The following RASA3 variants were observed in gnomAD, a reference collection of about 807,000 sequenced individuals.
The protein encoded by RASA3 is RAS p21 protein activator 3.
RASA3 carries 73 observed loss-of-function variants against 110.0 expected under a neutral mutation model. The ratio of observed to expected loss-of-function variants is 0.66; its 90% CI spans 0.55 to 0.81. RASA3 has a LOEUF of 0.81. RASA3 is among the 30% of genes least tolerant of loss of function. The pLI, the probability that RASA3 is intolerant of heterozygous loss-of-function variation, is 0.00. For missense variants in RASA3, 976 were observed against 1,113.2 expected, an observed-to-expected ratio of 0.88 and a Z score of 1.75; for synonymous variants, 500 against 451.4, an observed-to-expected ratio of 1.11 and a Z score of -1.37.
At chr13:114,026,379 G>A (rs780179226) in intron 7 of RASA3, among the ~76,000 whole-genome samples, 5 of 152,200 alleles carry the variant, frequency 3.3e-5, no homozygotes, top group Admixed American at 6.5e-5. Flanking sequence ...CCTCGCTCTG[G>A]CAAAACCATC....
Position 114,017,326 on chromosome 13 carries a change from T to C in RASA3, c.1117A>G (p.Asn373Asp), listed in dbSNP as rs747255376. Residue 373 changes from asparagine to aspartate, a missense_variant, in exon 12 of 24, where the codon AAC (asparagine) becomes GAC (aspartate). Around this residue, in one of 4 missense-constraint regions of RASA3, gnomAD observed 732 missense variants for 779.7 expected, o/e 0.94. Coordinates refer to ENST00000334062, the MANE Select transcript of RASA3 (RefSeq NM_007368.4). ...TQDPNTIFRG[N>D]SLASKCIDET... is the part of the protein sequence containing the mutation. ...TCGATGCACTTGGACGCCAGTGAGT[T>C]TCCTCGGAAGATGGTGTTGGGGTCC... is the stretch of plus-strand genomic sequence containing the variant. 1.9e-6 allele frequency: 3 copies of C among 1,613,978 alleles called. No individual in the cohort carries two copies. The highest frequency in any genetic ancestry group is 2.5e-6 in the Non-Finnish European group (3 of 1,180,012).
intron 17 of RASA3, 41 bp from the exon 18 acceptor site, chr13:114,007,647 C>A (rs777175449): frequency 3.3e-6 from 5 of 1,511,794 alleles, no homozygotes; most frequent in Non-Finnish European, 4.6e-6. Context: ...GGAAGCCACA[C>A]ATCTGACGTG....
chr13:113,999,757 CCCAGGGGGTCTTTACCGGGGGGTCTCTG>C, intron 19 of RASA3, 90 bp from the exon 20 acceptor site: 8 of 818,064 alleles, frequency 9.8e-6, no homozygotes, highest in African/African-American at 4.7e-5. Flanking sequence ...CGGGGGGTCT[CCCAGGGGGTCTTTACCGGGGGGTCTCTG>C]CCAGGGGGTC....
At chr13:114,128,448 G>C (rs2080477939) in intron 1 of RASA3, among the ~76,000 whole-genome samples, 1 of 152,254 alleles carries the variant, frequency 6.6e-6, no homozygotes, top group Non-Finnish European at 1.5e-5. Flanking sequence ...GCTGGGCCCG[G>C]AGCCCTTACC....
intron 2 of RASA3, among the ~76,000 whole-genome samples, chr13:114,058,235 T>C (rs756535631): frequency 5.3e-5 from 8 of 151,588 alleles, no homozygotes; most frequent in Non-Finnish European, 1.2e-4. Flanking sequence ...ATGAGCCCCA[T>C]GGAGACCACC....
intron 22 of RASA3, among the ~76,000 whole-genome samples, chr13:113,990,801 G>A (rs1353857446): frequency 5.9e-5 from 9 of 152,208 alleles, no homozygotes. Flanking sequence ...TTGTTGCCTT[G>A]CCTGTCTGCA....
In RASA3 at chr13:114,071,959, C is replaced by T. The variant is rs58542592; in HGVS notation, c.173+1761G>A. Among the ~76,000 whole-genome samples, 801 of 152,320 alleles carry T rather than the reference C, an allele frequency of 5.3e-3. 6 individuals carry two copies. The highest frequency in any genetic ancestry group is 0.018 in the African/African-American group (747 of 41,560). On this transcript the variant is annotated intron_variant, in intron 2 of 23. Coordinates refer to ENST00000334062, the MANE Select transcript of RASA3 (RefSeq NM_007368.4). ...AAATAGCTGTTTTGATCAAAGCACA[C>T]GACCCATGCTTCTGAACTGAACGGT...
At position 114,013,124 on chromosome 13, in the gene RASA3, CCTCAGCCGGTCA is replaced by C. The variant is rs1394994591; in HGVS notation, c.1512+6_1512+17del. On this transcript the variant is annotated splice_donor_region_variant and intron_variant, in intron 15 of 23. Transcript: ENST00000334062. ...CAGGACAGCTCAGAAAGCCTCGGTC[CCTCAGCCGGTCA>C]CTCACCGTGTGGTGCGGCGTGAGCT... 2 of 1,604,760 alleles carry C rather than the reference CCTCAGCCGGTCA, an allele frequency of 1.2e-6. No homozygotes were observed. Among genetic ancestry groups the C allele is most frequent in the Non-Finnish European group, 1.7e-6 (2 of 1,175,734 alleles).
At chr13:114,059,849 G>A (rs540457567) in intron 2 of RASA3, among the ~76,000 whole-genome samples, 9 of 152,232 alleles carry the variant, frequency 5.9e-5, no homozygotes, top group South Asian at 4.1e-4. Flanking sequence ...GCCCATCCCC[G>A]TTCTAGACTG....
At chr13:114,061,875 C>T (rs2079357779) in intron 2 of RASA3, among the ~76,000 whole-genome samples, 1 of 152,096 alleles carries the variant, frequency 6.6e-6, no homozygotes, top group Non-Finnish European at 1.5e-5. Context: ...GGTGGTAACT[C>T]CATCTCAGAC....
chr13:114,088,761 G>T (rs2079852715), intron 1 of RASA3, among the ~76,000 whole-genome samples: 1 of 152,120 alleles, frequency 6.6e-6, no homozygotes, highest in Non-Finnish European at 1.5e-5. Flanking sequence ...TGTTGGTCAG[G>T]CTGGTCTTGA....
Position 114,114,678 on chromosome 13 carries a change from C to T in RASA3, c.55+17757G>A, listed in dbSNP as rs768529445. ...AAGCAACTTGTTTTTCTTCATCCTT[C>T]GCCGACCTTTGTTTATGGGTAACCC... On this transcript the variant is annotated intron_variant, in intron 1 of 23. Coordinates refer to ENST00000334062, the MANE Select transcript of RASA3 (RefSeq NM_007368.4). This position sits in a 1 kb window ranked among gnomAD's most constrained non-coding sequence, Gnocchi z 4.8. Among the ~76,000 whole-genome samples the T allele has an allele frequency of 1.4e-4, 21 of 152,210 alleles. No individual in the cohort carries two copies. The highest frequency in any genetic ancestry group is 1.5e-4 in the Non-Finnish European group (10 of 68,036).
intron 1 of RASA3, among the ~76,000 whole-genome samples, chr13:114,120,750 C>T (rs1266839683): frequency 6.6e-6 from 1 of 152,272 alleles, no homozygotes; most frequent in Non-Finnish European, 1.5e-5. Flanking sequence ...TCAGAACCTA[C>T]TGATCTAGAA....
chr13:114,051,234 T>G (rs1879993108), intron 3 of RASA3, among the ~76,000 whole-genome samples: 1 of 152,138 alleles, frequency 6.6e-6, no homozygotes, highest in Non-Finnish European at 1.5e-5. Context: ...CCACCTGGGG[T>G]CTGGGTTCAG....
rs1181292546 is a variant in RASA3 at position 114,036,440 on chromosome 13, GCCACATGGCTACC to G, written c.372+4547_372+4559del. 2.6e-5 allele frequency among the ~76,000 whole-genome samples: 4 copies of G among 152,254 alleles called. No homozygotes were observed. The East Asian group carries it at 7.7e-4, about 29-fold the overall frequency. On this transcript the variant is annotated intron_variant, in intron 4 of 23. Transcript: ENST00000334062. ...ATCACAGAGCGGAGGGACTCATGGAGCCACATGGCTACCCCCTGCCTTCCTGAAAATGGTCACT... is the reference window on the plus strand; with the variant it reads ...ATCACAGAGCGGAGGGACTCATGGAGCCCTGCCTTCCTGAAAATGGTCACT...
chr13:114,013,815 C>T (rs1161913224), intron 14 of RASA3, among the ~76,000 whole-genome samples: 2 of 128,746 alleles, frequency 1.6e-5, no homozygotes, highest in Non-Finnish European at 3.3e-5. Context: ...TCTCTCTCCC[C>T]GTCTCTTTCT....
chr13:114,025,164 A>T lies in RASA3; in HGVS notation c.604-809T>A, dbSNP rs962963720. On this transcript the variant is annotated intron_variant, in intron 7 of 23. Coordinates refer to ENST00000334062, the MANE Select transcript of RASA3 (RefSeq NM_007368.4). ...CGGGCCTCAGCAGTGATGCTGGCTC[A>T]GGAGCTCTCAGCTCGAAGTTCTGAT... is the stretch of plus-strand genomic sequence containing the variant. Among the ~76,000 whole-genome samples, 3 of 152,230 alleles carry T rather than the reference A, an allele frequency of 2.0e-5. No homozygotes were observed. In the East Asian group the frequency reaches 5.8e-4, roughly 29 times the overall value.
At chr13:114,083,542 CGCGGGG>C (rs1566562517) in intron 1 of RASA3, among the ~76,000 whole-genome samples, 4 of 139,930 alleles carry the variant, frequency 2.9e-5, no homozygotes, top group East Asian at 4.2e-4. Flanking sequence ...CCTTCGTCCT[CGCGGGG>C]AAATCACGGG....
intron 23 of RASA3, among the ~76,000 whole-genome samples, chr13:113,980,042 C>G (rs1441864407): frequency 1.8e-5 from 1 of 56,214 alleles, no homozygotes; most frequent in Non-Finnish European, 4.9e-5. Flanking sequence ...GTGTGCACCT[C>G]TGTGTGCCTC....
Sources: gnomAD v4.1 joint callset for allele counts (sites outside exome capture counted in the v4.1 genomes callset) on GRCh38, gnomAD v4.1.1 for gene constraint, gnomAD v4.1.1 regional missense constraint, Gnocchi (gnomAD v3.1) non-coding constraint, MANE v1.5 for transcripts, NCBI Gene and HGNC (gene_info 2026-07-23, HGNC 2026-07-21) for gene names.